RARS1: variants seen among roughly 807,000 people sequenced by gnomAD.
RARS1 encodes the protein arginyl-tRNA synthetase 1, also known as arginine--tRNA ligase, cytoplasmic.
In RARS1, 75 loss-of-function variants were observed where a neutral mutation model predicts 78.7. The observed-to-expected ratio is 0.95, with a 90% CI of 0.79 to 1.15. RARS1 has a LOEUF of 1.15. Ranked by LOEUF, RARS1 falls within the 50% of genes most tolerant of loss-of-function variation. The pLI is 0.00. For missense variants in RARS1, 787 were observed against 787.5 expected (o/e 1.00, Z 0.01); for synonymous variants, 273 against 268.2 (o/e 1.02, Z -0.18).
intron 1 of RARS1, among the ~76,000 whole-genome samples, chr5:168,486,791 G>A (rs887631080): frequency 6.6e-6 from 1 of 152,164 alleles, no homozygotes; most frequent in Non-Finnish European, 1.5e-5. Flanking sequence ...CCCCAAACCA[G>A]CGTCTTCGGT....
At chr5:168,486,886 G>C (rs1287402457) in intron 1 of RARS1, among the ~76,000 whole-genome samples, 1 of 152,128 alleles carries the variant, frequency 6.6e-6, no homozygotes, top group Admixed American at 6.5e-5. Flanking sequence ...AGGGGATGCG[G>C]GGAGATAGAC....
Position 168,506,774 on chromosome 5 carries a change from ACC to A in RARS1, c.1291_1292del (p.Pro431Ter). ...GCTGCTCAAATGATTGGTTGGTATGACCCTAAAGTAACTCGAGTCTTCCATGC... is the reference window on the plus strand; with the variant it reads ...GCTGCTCAAATGATTGGTTGGTATGACTAAAGTAACTCGAGTCTTCCATGC... On this transcript the variant is annotated frameshift_variant, in exon 11 of 15. Transcript: ENST00000231572. LOFTEE classifies it high-confidence loss of function. The A allele has an allele frequency of 1.9e-6, 3 of 1,613,942 alleles. No homozygotes were observed. The highest frequency in any genetic ancestry group is 2.5e-6 in the Non-Finnish European group (3 of 1,179,904).
chr5:168,500,118 C>T (rs1368167796), intron 7 of RARS1, among the ~76,000 whole-genome samples: 4 of 139,138 alleles, frequency 2.9e-5, no homozygotes, highest in Admixed American at 7.9e-5. Flanking sequence ...ACCCGGGACA[C>T]GGAGGTTGCA....
At chr5:168,518,743 A>G (rs1173754535) in intron 14 of RARS1, among the ~76,000 whole-genome samples, 1 of 152,186 alleles carries the variant, frequency 6.6e-6, no homozygotes, top group Non-Finnish European at 1.5e-5. Context: ...AAACTTTATT[A>G]GGGAAAAAAA....
Position 168,488,650 on chromosome 5 carries a change from T to A in RARS1, c.94T>A (p.Cys32Ser). ...TGCTGAAATTGACCGGTTGAAAAAC[T>A]GTGGCTGTTTAGGAGCTTCTCCAAA... The part of the protein sequence containing the change: ...LTAEIDRLKN[C>S]GCLGASPNLE... Residue 32 changes from cysteine to serine, a missense_variant, in exon 2 of 15, where the codon TGT (cysteine) becomes AGT (serine). Cys to Ser is a moderately radical substitution (Grantham distance 112). Coordinates refer to ENST00000231572, the MANE Select transcript of RARS1 (RefSeq NM_002887.4). The A allele has an allele frequency of 5.6e-6, 9 of 1,611,916 alleles. No homozygotes were observed. The highest frequency in any genetic ancestry group is 7.6e-6 in the Non-Finnish European group (9 of 1,179,558).
chr5:168,515,807 G>T (rs1327715170), intron 12 of RARS1, among the ~76,000 whole-genome samples: 2 of 152,182 alleles, frequency 1.3e-5, no homozygotes, highest in East Asian at 3.9e-4. Context: ...TCACTGCTCA[G>T]CTCTTTAATT....
chr5:168,497,209 A>T lies in RARS1; in HGVS notation c.702-19A>T. On this transcript the variant is annotated intron_variant, in intron 6 of 14. Coordinates refer to ENST00000231572, the MANE Select transcript of RARS1 (RefSeq NM_002887.4). ...TTTATTATTTAAAAAATGATTATAT[A>T]TTCTCTGATTGGTGTTAGGTTAAAT... 7.0e-7 allele frequency: 1 copy of T among 1,432,938 alleles called. No homozygotes were observed. The highest frequency in any genetic ancestry group is 9.2e-7 in the Non-Finnish European group (1 of 1,083,862). 88.8% of individuals were successfully genotyped at this position (1,432,938 alleles called of 1,614,324 possible).
intron 12 of RARS1, among the ~76,000 whole-genome samples, chr5:168,511,543 G>A (rs935575686): frequency 6.6e-6 from 1 of 152,204 alleles, no homozygotes; most frequent in Middle Eastern, 3.4e-3. Context: ...ACTGGTCTAG[G>A]CACATCTGGC....
chr5:168,514,527 T>C (rs60514038), intron 12 of RARS1, among the ~76,000 whole-genome samples: 11,601 of 152,224 alleles, frequency 0.076, 1,320 homozygotes, highest in African/African-American at 0.25. Flanking sequence ...TTTGAACATG[T>C]TAATCATAGT....
At chr5:168,504,081 ATAAC>A (rs1344846981) in intron 9 of RARS1, among the ~76,000 whole-genome samples, 1 of 148,354 alleles carries the variant, frequency 6.7e-6, no homozygotes, top group African/African-American at 2.5e-5. Flanking sequence ...AAAAAAAAGA[ATAAC>A]GAGAGAGAGA....
intron 5 of RARS1, 195 bp downstream of exon 5, chr5:168,494,845 G>A: frequency 8.3e-6 from 4 of 481,218 alleles, no homozygotes; most frequent in Non-Finnish European, 1.5e-5. Flanking sequence ...GCAGTATCAT[G>A]AGACTTCATC....
At position 168,487,920 on chromosome 5, in the gene RARS1, C is replaced by A. The variant is rs796411050; in HGVS notation, c.46-682C>A. Among the ~76,000 whole-genome samples, 77 of 112,898 alleles carry A rather than the reference C, an allele frequency of 6.8e-4. 1 individual carries two copies. The highest frequency in any genetic ancestry group is 2.1e-3 in the African/African-American group (76 of 36,512). 74.1% of individuals were successfully genotyped at this position (112,898 alleles called of 152,430 possible). A position where few individuals can be genotyped will look rare whatever the true frequency, so the allele number is the denominator to read the frequency against. On this transcript the variant is annotated intron_variant, in intron 1 of 14. Coordinates refer to ENST00000231572, the MANE Select transcript of RARS1 (RefSeq NM_002887.4). ...GAGCTATTTTGAATGTGACAAAGGA[C>A]ATTTGGGTTTTTTAAGAGTCCCAGG...
chr5:168,510,421 C>T (rs1758541079), intron 11 of RARS1, among the ~76,000 whole-genome samples, 160 bp from the exon 12 acceptor site: 3 of 152,142 alleles, frequency 2.0e-5, no homozygotes, highest in African/African-American at 7.2e-5. Flanking sequence ...TTACCATTGG[C>T]ATCAACCCTC....
chr5:168,501,132 A>C (rs1039805799), intron 8 of RARS1, among the ~76,000 whole-genome samples: 6 of 152,194 alleles, frequency 3.9e-5, no homozygotes, highest in Admixed American at 1.3e-4. Flanking sequence ...TATGATTTTA[A>C]GGCGATTTCA....
intron 8 of RARS1, among the ~76,000 whole-genome samples, chr5:168,501,078 T>G (rs987603359): frequency 6.6e-6 from 1 of 152,214 alleles, no homozygotes; most frequent in Non-Finnish European, 1.5e-5. Flanking sequence ...ATAGAATGTT[T>G]GGATAGAGTG....
chr5:168,500,608 T>G lies in RARS1; in HGVS notation c.840T>G (p.Phe280Leu). ...QVFYKESKKR[F>L]DTEEEFKKRA... The stretch of plus-strand genomic sequence containing the variant: ...ATATACAGGAATCTAAGAAGAGGTT[T>G]GATACTGAGGAGGAATTTAAGAAGC... Residue 280 changes from phenylalanine (F) to leucine (L), a missense_variant, in exon 8 of 15, where the codon TTT becomes TTG. Phe to Leu is a conservative substitution (Grantham distance 22). Coordinates refer to ENST00000231572, the MANE Select transcript of RARS1 (RefSeq NM_002887.4). 6.4e-7 allele frequency: 1 copy of G among 1,572,450 alleles called. No individual in the cohort carries two copies. Among genetic ancestry groups the G allele is most frequent in the Non-Finnish European group, 8.6e-7 (1 of 1,162,928 alleles).
chr5:168,490,332 A>C (rs1337529887), intron 2 of RARS1, among the ~76,000 whole-genome samples: 1 of 152,194 alleles, frequency 6.6e-6, no homozygotes, highest in Non-Finnish European at 1.5e-5. Context: ...TTAAATGTCT[A>C]ATATGTGCTA....
Position 168,517,170 on chromosome 5 carries a change from T to C in RARS1, c.1625+220T>C, listed in dbSNP as rs145371607. On this transcript the variant is annotated intron_variant, in intron 13 of 14. Transcript: ENST00000231572. ...TTGTTTGTTTATTTTTGAGACGGAG[T>C]CTCACTCTGTTGCCCACGCTGGAGT... is the stretch of plus-strand genomic sequence containing the variant. 0.03 allele frequency among the ~76,000 whole-genome samples: 4,587 copies of C among 151,964 alleles called. 102 individuals carry two copies. Among genetic ancestry groups the C allele is most frequent in the Non-Finnish European group, 0.044 (2,996 of 67,964 alleles).
At position 168,492,847 on chromosome 5, in the gene RARS1, G is replaced by A; in HGVS notation, c.369G>A (p.Gln123=). ...GTAATAGTGCTATGGGTATTTCTCA[G>A]GTGATGTATTGTCATGACTCTTGGC... ...YQCNSAMGIS[Q]MLKTKEQKVN... The change falls in exon 3 of 15, where the codon CAG becomes CAA. Residue 123 remains glutamine (Q), a splice_region_variant and synonymous_variant. Transcript: ENST00000231572. 6.3e-7 allele frequency: 1 copy of A among 1,594,910 alleles called. No individual in the cohort carries two copies.
Sources: gnomAD v4.1 joint callset for allele counts (sites outside exome capture counted in the v4.1 genomes callset) on GRCh38, gnomAD v4.1.1 for gene constraint, MANE v1.5 for transcripts, NCBI Gene and HGNC (gene_info 2026-07-23, HGNC 2026-07-21) for gene names.